GPM6A: variants seen among roughly 807,000 people sequenced by gnomAD.
The protein encoded by GPM6A is glycoprotein M6A.
A neutral mutation model predicts 32.1 loss-of-function variants in GPM6A; 7 were observed. The ratio of observed to expected loss-of-function variants is 0.22; its 90% CI spans 0.12 to 0.41. GPM6A has a LOEUF of 0.41. Among genes scored for constraint, GPM6A ranks in the 10% least tolerant of loss-of-function variants. GPM6A has a pLI of 1.00. For missense variants in GPM6A, 235 were observed against 347.2 expected (o/e 0.68, Z 2.57); for synonymous variants, 130 against 123.4 (o/e 1.05, Z -0.35).
Position 175,933,414 on chromosome 4 carries a change from A to G in GPM6A, c.-23+68895T>C, listed in dbSNP as rs182619719. On this transcript the variant is annotated intron_variant, in intron 1 of 7. Transcript: ENST00000280187. ...TGCTGTTGAGGATGTACAATGATAC[A>G]GTTTTGGAAAACAGTGCAGCAGTTT... Among the ~76,000 whole-genome samples, 513 of 152,326 alleles carry G rather than the reference A, an allele frequency of 3.4e-3. 1 individual carries two copies. The highest frequency in any genetic ancestry group is 5.5e-3 in the Non-Finnish European group (371 of 68,028).
chr4:175,676,249 T>C (rs576395966), intron 2 of GPM6A, among the ~76,000 whole-genome samples: 1 of 152,300 alleles, frequency 6.6e-6, no homozygotes, highest in Admixed American at 6.5e-5. Flanking sequence ...GTATGTCTTT[T>C]ATAGCAGCCT....
At chr4:175,922,940 G>A (rs962134832) in intron 1 of GPM6A, among the ~76,000 whole-genome samples, 17 of 152,068 alleles carry the variant, frequency 1.1e-4, no homozygotes, top group African/African-American at 3.9e-4. Context: ...ACACATCATT[G>A]CCCACTACAA....
chr4:175,831,715 C>CTTTTTTTTT lies in GPM6A; in HGVS notation c.-22-19475_-22-19467dup, dbSNP rs780096379. 8.0e-4 allele frequency among the ~76,000 whole-genome samples: 56 copies of CTTTTTTTTT among 69,932 alleles called. 2 individuals carry two copies. The highest frequency in any genetic ancestry group is 9.2e-4 in the East Asian group (2 of 2,174). The allele number at this position is 69,932 out of a possible 152,430, so 45.9% of individuals were successfully genotyped here. On this transcript the variant is annotated intron_variant, in intron 1 of 7. Transcript: ENST00000280187. ...CTTGTTAAGGCCCATTTAGCCATCT[C>CTTTTTTTTT]TTTTTTTTTTTTTTTTTTTTTTTGA...
At chr4:175,915,264 G>A (rs1227116647) in intron 1 of GPM6A, among the ~76,000 whole-genome samples, 6 of 151,334 alleles carry the variant, frequency 4.0e-5, no homozygotes. Flanking sequence ...CAGACAGGAG[G>A]CTATCCTTCC....
At chr4:175,831,195 G>C (rs1439743107) in intron 1 of GPM6A, among the ~76,000 whole-genome samples, 1 of 151,846 alleles carries the variant, frequency 6.6e-6, no homozygotes, top group African/African-American at 2.4e-5. Flanking sequence ...CCACACTCTG[G>C]ATAAATTAAA....
chr4:175,834,558 T>C (rs937332681), intron 1 of GPM6A, among the ~76,000 whole-genome samples: 2 of 152,154 alleles, frequency 1.3e-5, no homozygotes, highest in Non-Finnish European at 2.9e-5. Context: ...ATGTACACAA[T>C]GTCTCCACTA....
chr4:175,965,891 C>T lies in GPM6A; in HGVS notation c.-23+36418G>A, dbSNP rs146967005. Among the ~76,000 whole-genome samples the T allele has an allele frequency of 1.0e-2, 1,518 of 152,100 alleles. 11 individuals are homozygous for T. The highest frequency in any genetic ancestry group is 0.031 in the South Asian group (150 of 4,806). On this transcript the variant is annotated intron_variant, in intron 1 of 7. Transcript: ENST00000280187. ...CCTCCCAAAGTGCTGGGATTACAGG[C>T]GTGAGCCACCACGCCTGGCCAAGAG...
At chr4:175,785,730 AG>A (rs998466970) in intron 1 of GPM6A, among the ~76,000 whole-genome samples, 5 of 152,220 alleles carry the variant, frequency 3.3e-5, no homozygotes, top group African/African-American at 1.2e-4. Context: ...AAAATAATCT[AG>A]GGTTTGAAAA....
At chr4:175,770,048 T>C (rs1733124663) in intron 1 of GPM6A, among the ~76,000 whole-genome samples, 1 of 152,206 alleles carries the variant, frequency 6.6e-6, no homozygotes, top group African/African-American at 2.4e-5. Flanking sequence ...TGTTTTGTTT[T>C]TTGAGATGGA....
At chr4:175,763,105 C>T (rs902993089) in intron 1 of GPM6A, among the ~76,000 whole-genome samples, 1 of 152,064 alleles carries the variant, frequency 6.6e-6, no homozygotes, top group African/African-American at 2.4e-5. Flanking sequence ...AAAATAGATG[C>T]TGCTAGTTTT....
intron 2 of GPM6A, among the ~76,000 whole-genome samples, chr4:175,696,780 C>G (rs893964247): frequency 2.6e-5 from 4 of 152,276 alleles, no homozygotes; most frequent in Admixed American, 2.6e-4. Context: ...TATTAATTCA[C>G]AGTTTTCCCT....
chr4:175,775,708 T>C (rs550175670), intron 1 of GPM6A, among the ~76,000 whole-genome samples: 1 of 152,306 alleles, frequency 6.6e-6, no homozygotes, highest in Non-Finnish European at 1.5e-5. Flanking sequence ...GGAAAATTTC[T>C]GGTGGTATAA....
chr4:175,785,229 A>G (rs1425904892), intron 1 of GPM6A, among the ~76,000 whole-genome samples: 2 of 152,152 alleles, frequency 1.3e-5, no homozygotes, highest in Non-Finnish European at 2.9e-5. Flanking sequence ...CAGAGGCCAC[A>G]CCTGGGAATT....
intron 1 of GPM6A, among the ~76,000 whole-genome samples, chr4:175,790,978 A>C (rs2111275258): frequency 6.6e-6 from 1 of 152,226 alleles, no homozygotes; most frequent in Non-Finnish European, 1.5e-5. Context: ...TTTAATGGGG[A>C]GTGGTTGTGT....
chr4:175,734,788 G>A (rs930797768), intron 1 of GPM6A, among the ~76,000 whole-genome samples: 7 of 152,052 alleles, frequency 4.6e-5, no homozygotes, highest in Non-Finnish European at 7.4e-5. Context: ...CAAGAGAATC[G>A]CTTGAACCTG....
chr4:175,835,072 C>T (rs1185394871), intron 1 of GPM6A, among the ~76,000 whole-genome samples: 1 of 152,172 alleles, frequency 6.6e-6, no homozygotes, highest in Non-Finnish European at 1.5e-5. Flanking sequence ...TGCTGCCGAA[C>T]TTTACCAGAT....
At chr4:175,784,153 C>T (rs1035762736) in intron 1 of GPM6A, among the ~76,000 whole-genome samples, 9 of 152,032 alleles carry the variant, frequency 5.9e-5, no homozygotes, top group African/African-American at 2.2e-4. Context: ...ATGAGAGAGG[C>T]ACATCACTTT....
intron 1 of GPM6A, among the ~76,000 whole-genome samples, chr4:175,767,712 T>C (rs1359328716): frequency 6.6e-6 from 1 of 152,232 alleles, no homozygotes; most frequent in African/African-American, 2.4e-5. Flanking sequence ...TTTTCTCCTG[T>C]CTGCATTCCA....
Position 175,639,141 on chromosome 4 carries a change from T to C in GPM6A, c.684+988A>G, listed in dbSNP as rs150149706. ...TCATGTTAGTACTGACATAGTTTTA[T>C]TGAATATATATGTAAGTCATTTTTA... On this transcript the variant is annotated intron_variant, in intron 6 of 6. Transcript: ENST00000393658. Among the ~76,000 whole-genome samples the C allele has an allele frequency of 1.1e-4, 16 of 152,304 alleles. No individual in the cohort carries two copies. The East Asian group carries it at 3.1e-3, about 29-fold the overall frequency.
Sources: allele counts gnomAD v4.1 joint callset (sites outside exome capture counted in the v4.1 genomes callset), GRCh38; gene constraint gnomAD v4.1.1; transcripts MANE v1.5; gene names NCBI Gene and HGNC (gene_info 2026-07-23, HGNC 2026-07-21).